DOCK2: variants seen among roughly 807,000 people sequenced by gnomAD.
DOCK2 encodes dedicator of cytokinesis 2.
In DOCK2, 87 loss-of-function variants were observed where a neutral mutation model predicts 248.9. The observed-to-expected ratio is 0.35, with a 90% CI of 0.29 to 0.42. The LOEUF (loss-of-function observed/expected upper bound fraction) is 0.42. Among genes scored for constraint, DOCK2 ranks in the 10% least tolerant of loss-of-function variants. The pLI is 1.00. For missense variants in DOCK2, 1,747 were observed against 2,300.2 expected, an observed-to-expected ratio of 0.76 and a Z score of 4.92; for synonymous variants, 805 against 821.6, an observed-to-expected ratio of 0.98 and a Z score of 0.35.
At chr5:169,921,375 G>T (rs968326771) in intron 27 of DOCK2, among the ~76,000 whole-genome samples, 15 of 152,254 alleles carry the variant, frequency 9.9e-5, no homozygotes, top group African/African-American at 3.6e-4. Flanking sequence ...TCTCAGCATA[G>T]GGGTCTTCCA....
chr5:169,677,756 C>T (rs943622425), intron 6 of DOCK2, among the ~76,000 whole-genome samples: 2 of 152,156 alleles, frequency 1.3e-5, no homozygotes, highest in Non-Finnish European at 2.9e-5. Flanking sequence ...AAGCCAGTAA[C>T]GGGGACACAG....
intron 27 of DOCK2, among the ~76,000 whole-genome samples, chr5:169,941,656 G>A (rs1164472446): frequency 6.6e-6 from 1 of 152,186 alleles, no homozygotes; most frequent in Non-Finnish European, 1.5e-5. Context: ...GACCGTGACG[G>A]CTCCTCCAGC....
intron 49 of DOCK2, chr5:170,079,393 G>C: frequency 2.2e-6 from 1 of 452,630 alleles, no homozygotes; most frequent in Non-Finnish European, 4.1e-6. Context: ...GAGCCTGTGT[G>C]TATCCTTTCC....
At chr5:170,016,133 C>T (rs1341977241) in intron 32 of DOCK2, among the ~76,000 whole-genome samples, 1 of 152,184 alleles carries the variant, frequency 6.6e-6, no homozygotes, top group Non-Finnish European at 1.5e-5. Flanking sequence ...ATCAGCAGAT[C>T]CTCTCCCAAA....
chr5:169,675,553 G>A (rs1206050990), intron 6 of DOCK2, among the ~76,000 whole-genome samples: 1 of 152,172 alleles, frequency 6.6e-6, no homozygotes, highest in Admixed American at 6.5e-5. Context: ...TACTTTTAAT[G>A]AGCCTTAGAG....
At chr5:169,691,823 G>A (rs1228608034) in intron 9 of DOCK2, among the ~76,000 whole-genome samples, 1 of 150,260 alleles carries the variant, frequency 6.7e-6, no homozygotes, top group Non-Finnish European at 1.5e-5. Flanking sequence ...CTTTCCCTAT[G>A]TTTTGTTTTA....
At chr5:170,000,799 G>A (rs1581517515) in intron 30 of DOCK2, among the ~76,000 whole-genome samples, 1 of 152,292 alleles carries the variant, frequency 6.6e-6, no homozygotes, top group South Asian at 2.1e-4. Flanking sequence ...TGGATTACCA[G>A]CCTATCCTGG....
At chr5:169,946,344 G>A (rs778871994) in intron 27 of DOCK2, among the ~76,000 whole-genome samples, 9 of 152,224 alleles carry the variant, frequency 5.9e-5, no homozygotes, top group African/African-American at 9.6e-5. Flanking sequence ...CTAACTGGGC[G>A]ACTGAGGGGG....
At chr5:170,060,740 T>C (rs1388867675) in intron 44 of DOCK2, among the ~76,000 whole-genome samples, 1 of 152,096 alleles carries the variant, frequency 6.6e-6, no homozygotes, top group African/African-American at 2.4e-5. Context: ...TTGAAAAATA[T>C]GAAATGCTGG....
At chr5:169,900,255 C>T (rs1773847195) in intron 27 of DOCK2, among the ~76,000 whole-genome samples, 1 of 152,084 alleles carries the variant, frequency 6.6e-6, no homozygotes, top group Admixed American at 6.6e-5. Flanking sequence ...CCTGTTGGGA[C>T]CTTTAGACAA....
chr5:170,002,478 C>T (rs1754873232), intron 30 of DOCK2, among the ~76,000 whole-genome samples: 1 of 152,152 alleles, frequency 6.6e-6, no homozygotes, highest in Admixed American at 6.5e-5. Context: ...GAAAGGCTAT[C>T]CAAGGAATTG....
intron 26 of DOCK2, among the ~76,000 whole-genome samples, chr5:169,808,715 A>G (rs1767561323): frequency 6.6e-6 from 1 of 152,128 alleles, no homozygotes; most frequent in Admixed American, 6.5e-5. Context: ...CCAGACCCAG[A>G]GAGAGTTGGT....
chr5:169,837,633 C>T (rs1769673822), intron 26 of DOCK2, among the ~76,000 whole-genome samples: 1 of 152,090 alleles, frequency 6.6e-6, no homozygotes, highest in Admixed American at 6.5e-5. Flanking sequence ...TTGTTTATTC[C>T]TCAAACCAGT....
intron 22 of DOCK2, among the ~76,000 whole-genome samples, chr5:169,737,975 T>C (rs1173733840): frequency 6.6e-6 from 1 of 152,134 alleles, no homozygotes; most frequent in Non-Finnish European, 1.5e-5. Flanking sequence ...GGGCTTATGA[T>C]TGGCATTGGA....
intron 32 of DOCK2, among the ~76,000 whole-genome samples, chr5:170,009,100 C>T (rs558329487): frequency 1.6e-4 from 24 of 152,042 alleles, no homozygotes; most frequent in Non-Finnish European, 1.2e-4. Context: ...CCTTCTGCAT[C>T]CTGTATAGCG....
intron 27 of DOCK2, among the ~76,000 whole-genome samples, chr5:169,947,206 TA>T (rs1337608776): frequency 2.9e-4 from 44 of 152,350 alleles, no homozygotes; most frequent in African/African-American, 1.0e-3. Flanking sequence ...AGCAGTCTGA[TA>T]GGGGAAGCTG....
intron 27 of DOCK2, among the ~76,000 whole-genome samples, chr5:169,900,282 C>T (rs1009646084): frequency 3.9e-5 from 6 of 152,172 alleles, no homozygotes; most frequent in African/African-American, 1.4e-4. Context: ...CCTGTTGTCC[C>T]CTGATGGAGG....
chr5:169,882,935 G>GGGCT (rs1205685541), intron 27 of DOCK2: 2 of 1,551,818 alleles, frequency 1.3e-6, no homozygotes, highest in Non-Finnish European at 1.7e-6. Flanking sequence ...CTTCCTGGGT[G>GGGCT]GGCTGGCTGG....
At chr5:169,822,090 C>A (rs1048178250) in intron 26 of DOCK2, among the ~76,000 whole-genome samples, 55 of 152,236 alleles carry the variant, frequency 3.6e-4, no homozygotes, top group Admixed American at 2.4e-3. Flanking sequence ...ATATATGCAC[C>A]CAATACAGGA....
Sources: allele counts gnomAD v4.1 joint callset (sites outside exome capture counted in the v4.1 genomes callset), GRCh38; gene constraint gnomAD v4.1.1; transcripts MANE v1.5; gene names NCBI Gene and HGNC (gene_info 2026-07-23, HGNC 2026-07-21).